Variants in DST observed in about 807,000 individuals in gnomAD.
DST encodes the protein dystonin, also known as bullous pemphigoid antigen.
In DST, 253 loss-of-function variants were observed where a neutral mutation model predicts 875.2. That is an observed-to-expected ratio of 0.29 (90% CI 0.26 to 0.32). The LOEUF (loss-of-function observed/expected upper bound fraction) is 0.32, where lower values mean the gene tolerates loss of function less well. Ranked by LOEUF, DST falls within the 10% of genes least tolerant of loss-of-function variation. DST has a pLI of 1.00. For missense variants in DST, 8,287 were observed against 9,111.6 expected (o/e 0.91, Z 3.68); for synonymous variants, 3,124 against 3,197.1 (o/e 0.98, Z 0.77).
chr6:56,852,608 T>C (rs186954098), intron 3 of DST, among the ~76,000 whole-genome samples: 2 of 152,344 alleles, frequency 1.3e-5, no homozygotes, highest in African/African-American at 4.8e-5. Context: ...TGTGATTATT[T>C]ACAGAGCCAC....
Position 56,608,682 on chromosome 6 carries a change from G to A in DST, c.5946C>T (p.Thr1982=). The A allele has an allele frequency of 1.9e-6, 3 of 1,612,946 alleles. No homozygotes were observed. The highest frequency in any genetic ancestry group is 2.5e-6 in the Non-Finnish European group (3 of 1,179,496). ...AAHEGLIDRE[T]MFRLLSAQLL... ...GCTGTGCACTTAACAACCTAAACAT[G>A]GTTTCACGGTCTATGAGACCTTCAT... Residue 1982 remains threonine, a synonymous_variant, in exon 40 of 104, where the codon ACC becomes ACT. Transcript: ENST00000680361.
At chr6:56,743,636 C>T (rs2099556174) in intron 4 of DST, among the ~76,000 whole-genome samples, 1 of 152,106 alleles carries the variant, frequency 6.6e-6, no homozygotes, top group African/African-American at 2.4e-5. Context: ...ATTACACACA[C>T]ACATATATAA....
intron 35 of DST, 90 bp downstream of exon 35, chr6:56,625,067 G>T: frequency 1.1e-6 from 1 of 884,940 alleles, no homozygotes; most frequent in Non-Finnish European, 1.9e-6. Flanking sequence ...TTTATACTAT[G>T]TATATTTTAC....
At chr6:56,667,263 CATGGTG>C (rs2099076612) in intron 10 of DST, among the ~76,000 whole-genome samples, 1 of 152,152 alleles carries the variant, frequency 6.6e-6, no homozygotes, top group East Asian at 1.9e-4. Flanking sequence ...AAAATTTGCT[CATGGTG>C]ATATTTTGAT....
chr6:56,538,795 A>T (rs2097066329), intron 61 of DST, among the ~76,000 whole-genome samples: 1 of 152,226 alleles, frequency 6.6e-6, no homozygotes, highest in Admixed American at 6.5e-5. Flanking sequence ...CACATAATCA[A>T]ATAAATTATG....
intron 53 of DST, among the ~76,000 whole-genome samples, chr6:56,571,225 C>T (rs1029895041): frequency 2.0e-5 from 3 of 152,184 alleles, no homozygotes; most frequent in African/African-American, 7.2e-5. Flanking sequence ...AGAATACTGG[C>T]AGATAAGAAT....
In DST at chr6:56,602,947, T is replaced by C. The variant is rs779083741; in HGVS notation, c.11242A>G (p.Lys3748Glu). The change falls in exon 43 of 104, where the codon AAG becomes GAG. Residue 3748 changes from lysine to glutamate, a missense_variant. Transcript: ENST00000680361. ...TGAACATTCACAATCTCAATATCCT[T>C]CACAGATTTGCTCTTCTCTGATACC... ...DWVSEKSKSV[K>E]DIEIVNVQDS... The C allele has an allele frequency of 6.3e-7, 1 of 1,592,364 alleles. No homozygotes were observed. The highest frequency in any genetic ancestry group is 8.5e-7 in the Non-Finnish European group (1 of 1,174,008).
Position 56,610,476 on chromosome 6 carries a change from T to C in DST, c.5234A>G (p.Lys1745Arg). 6.4e-7 allele frequency: 1 copy of C among 1,568,850 alleles called. No individual in the cohort carries two copies. Among genetic ancestry groups the C allele is most frequent in the Non-Finnish European group, 8.7e-7 (1 of 1,154,950 alleles). The change falls in exon 39 of 104, where the codon AAA becomes AGA. Residue 1745 changes from lysine (K) to arginine (R), a missense_variant. By Grantham distance (26) the Lys-to-Arg change is conservative (BLOSUM62 2). Coordinates refer to ENST00000680361, the MANE Select transcript of DST (RefSeq NM_001374736.1). ...SYNLLFSESL[K>R]QLQESQTSGD... ...TGAGGTTTGTGATTCTTGTAGCTGT[T>C]TCAGAGATTCACTGAATAATAAATT...
chr6:56,772,046 A>T (rs1409336487), intron 4 of DST, among the ~76,000 whole-genome samples: 1 of 152,216 alleles, frequency 6.6e-6, no homozygotes, highest in African/African-American at 2.4e-5. Flanking sequence ...GGGAAACTGA[A>T]ATAAAAGTAG....
chr6:56,822,835 A>AT (rs1232662158), intron 4 of DST, among the ~76,000 whole-genome samples: 43 of 148,300 alleles, frequency 2.9e-4, no homozygotes, highest in East Asian at 9.8e-4. Context: ...TTATTTATTT[A>AT]TTTTTTTTTT....
At position 56,469,971 on chromosome 6, in the gene DST, T is replaced by C. The variant is rs781272563; in HGVS notation, c.22477-14A>G. 9.3e-6 allele frequency: 15 copies of C among 1,612,936 alleles called. No individual in the cohort carries two copies. Among genetic ancestry groups the C allele is most frequent in the Admixed American group, 1.7e-5 (1 of 59,972 alleles). The stretch of plus-strand genomic sequence containing the variant: ...CTGCCTTGTCACCTGCCAAAAACAA[T>C]GATGAAATATTTACTTTAATGTCAA... On this transcript the variant is annotated splice_polypyrimidine_tract_variant and intron_variant, in intron 96 of 103. Transcript: ENST00000680361.
rs538986531 is a variant in DST, at chr6:56,565,938, A to T, written c.14005+2531T>A. Among the ~76,000 whole-genome samples the T allele has an allele frequency of 8.5e-5, 13 of 152,326 alleles. No homozygotes were observed. The South Asian group carries it at 2.7e-3, about 32-fold the overall frequency. On this transcript the variant is annotated intron_variant, in intron 55 of 103. Transcript: ENST00000680361. ...GAGGCAGTCTGGCTACAGCAGCTTT[A>T]CTGAGCTGCGGTGGGCTCTGCCCAG...
At chr6:56,557,870 A>G (rs970476817) in intron 58 of DST, among the ~76,000 whole-genome samples, 1 of 152,142 alleles carries the variant, frequency 6.6e-6, no homozygotes, top group Non-Finnish European at 1.5e-5. Context: ...AATCCTTTTA[A>G]TATCAAATCT....
chr6:56,629,543 A>T, intron 31 of DST, 100 bp from the exon 32 acceptor site: 1 of 888,508 alleles, frequency 1.1e-6, no homozygotes, highest in Non-Finnish European at 1.8e-6. Flanking sequence ...AATGACAGGT[A>T]GAAAATAAGA....
Position 56,594,077 on chromosome 6 carries a change from C to A in DST, c.12312G>T (p.Leu4104=), listed in dbSNP as rs1257205198. The change falls in exon 48 of 104, where the codon CTG becomes CTT. Residue 4104 remains leucine, a synonymous_variant. Coordinates refer to ENST00000680361, the MANE Select transcript of DST (RefSeq NM_001374736.1). ...CTTTCAGTTCCTTCATGTTCTTTTG[C>A]AGTTTCTCTTTTTCTTCAGGAGAGA... ...QYLSPEEKEK[L]QKNMKELKVH... The A allele has an allele frequency of 6.2e-7, 1 of 1,611,668 alleles. No homozygotes were observed. Among genetic ancestry groups the A allele is most frequent in the South Asian group, 1.1e-5 (1 of 90,376 alleles).
chr6:56,953,082 C>A (rs1278745227), intron 2 of DST, among the ~76,000 whole-genome samples: 1 of 152,192 alleles, frequency 6.6e-6, no homozygotes, highest in Non-Finnish European at 1.5e-5. Flanking sequence ...CCAAGCCTGG[C>A]GGCGTGCAAC....
chr6:56,849,136 T>C (rs1763647923), intron 4 of DST, among the ~76,000 whole-genome samples: 1 of 129,384 alleles, frequency 7.7e-6, no homozygotes, highest in South Asian at 2.7e-4. Context: ...TTCATGCAAT[T>C]TTTTTTTTTT....
Position 56,919,630 on chromosome 6 carries a change from C to G in DST, c.217-19009G>C, listed in dbSNP as rs570120461. Among the ~76,000 whole-genome samples the G allele has an allele frequency of 2.6e-5, 4 of 152,264 alleles. No homozygotes were observed. The East Asian group carries it at 5.8e-4, about 22-fold the overall frequency. On this transcript the variant is annotated intron_variant, in intron 2 of 103. Transcript: ENST00000680361. Reference sequence around the variant, plus strand: ...TCCAAATGCCCATCTTTATTATTTACTAAACTCCTACATAAATTTGGATAT... The same window carrying G: ...TCCAAATGCCCATCTTTATTATTTAGTAAACTCCTACATAAATTTGGATAT...
chr6:56,621,979 C>T (rs968569144), intron 36 of DST, among the ~76,000 whole-genome samples: 5 of 152,146 alleles, frequency 3.3e-5, no homozygotes, highest in Admixed American at 6.5e-5. Flanking sequence ...AATAATAATT[C>T]ATACAGAAAC....
Sources: gnomAD v4.1 joint callset for allele counts (sites outside exome capture counted in the v4.1 genomes callset) on GRCh38, gnomAD v4.1.1 for gene constraint, MANE v1.5 for transcripts, NCBI Gene and HGNC (gene_info 2026-07-23, HGNC 2026-07-21) for gene names.